Variants in AMPD3 observed in about 807,000 individuals in gnomAD.
AMPD3 encodes the protein AMP deaminase 3.
Under a neutral mutation model 82.3 loss-of-function variants are expected in AMPD3, and 57 were observed. The observed-to-expected ratio is 0.69, with a 90% confidence interval of 0.56 to 0.86. The LOEUF (loss-of-function observed/expected upper bound fraction) is 0.86, where lower values mean the gene tolerates loss of function less well. Among genes scored for constraint, AMPD3 ranks in the 40% least tolerant of loss-of-function variants. AMPD3 has a pLI of 0.00. For missense variants in AMPD3, 870 were observed against 1,003.8 expected, an observed-to-expected ratio of 0.87 and a Z score of 1.80; for synonymous variants, 381 against 394.7, an observed-to-expected ratio of 0.97 and a Z score of 0.41.
At chr11:10,480,388 C>A (rs1419417090) in intron 3 of AMPD3, among the ~76,000 whole-genome samples, 1 of 152,138 alleles carries the variant, frequency 6.6e-6, no homozygotes, top group East Asian at 1.9e-4. Flanking sequence ...GGTGTCTGCT[C>A]ACCTATTCCT....
rs1849238549 is a variant in AMPD3, at chr11:10,491,466, AT to A, written c.940-1880del. On this transcript the variant is annotated intron_variant, in intron 6 of 14. Coordinates refer to ENST00000396553, the MANE Select transcript of AMPD3 (RefSeq NM_001025389.2). ...GGGTTCAGTAACAGAATCAAATTAC[AT>A]TTAAAGAATCCCTTCTAGCTTCTGT... 1.3e-5 allele frequency among the ~76,000 whole-genome samples: 2 copies of A among 152,194 alleles called. 1 individual carries two copies. The highest frequency in any genetic ancestry group is 4.8e-5 in the African/African-American group (2 of 41,438).
chr11:10,478,570 AAATGCCGCCAC>A lies in AMPD3; in HGVS notation c.268_278del (p.Met90AlafsTer36). The stretch of plus-strand genomic sequence containing the variant: ...ATTCGGTCCCAGTCCCTGTCTCTGC[AAATGCCGCCAC>A]AGCAAGATTGGAAGGGCCCCCCGGC... On this transcript the variant is annotated frameshift_variant, in exon 3 of 15. Coordinates refer to ENST00000396553, the MANE Select transcript of AMPD3 (RefSeq NM_001025389.2). LOFTEE classifies it high-confidence loss of function. 1 of 1,614,168 alleles carries A rather than the reference AAATGCCGCCAC, an allele frequency of 6.2e-7. No homozygotes were observed. The highest frequency in any genetic ancestry group is 1.6e-4 in the Middle Eastern group (1 of 6,062).
intron 2 of AMPD3, chr11:10,473,407 A>C (rs1353417726): frequency 8.1e-6 from 8 of 985,162 alleles, no homozygotes; most frequent in Non-Finnish European, 9.6e-6. Flanking sequence ...AGGAAGGGAG[A>C]AGCGAAGGTG....
intron 9 of AMPD3, chr11:10,496,023 T>A: frequency 5.0e-6 from 1 of 198,186 alleles, no homozygotes; most frequent in Non-Finnish European, 9.0e-6. Flanking sequence ...ATTCAAGCAA[T>A]TCTTTGCCTC....
intron 13 of AMPD3, among the ~76,000 whole-genome samples, chr11:10,503,683 T>C (rs1849638764): frequency 6.6e-6 from 1 of 152,242 alleles, no homozygotes; most frequent in Non-Finnish European, 1.5e-5. Flanking sequence ...AATAATGATT[T>C]TTTTTCTGAA....
chr11:10,455,551 G>C, intron 1 of AMPD3, 103 bp downstream of exon 1: 3 of 586,982 alleles, frequency 5.1e-6, no homozygotes, highest in Non-Finnish European at 6.4e-6. Context: ...AGCTTATCAG[G>C]CTTCGCAGTC....
chr11:10,479,941 A>G, intron 3 of AMPD3: 24 of 985,424 alleles, frequency 2.4e-5, no homozygotes, highest in Non-Finnish European at 2.7e-5. Flanking sequence ...CATCCTGACC[A>G]TGAGTCTTTG....
chr11:10,487,874 C>A (rs1044467416), intron 6 of AMPD3, among the ~76,000 whole-genome samples: 3 of 152,110 alleles, frequency 2.0e-5, no homozygotes, highest in African/African-American at 7.2e-5. Context: ...GGCTTAATAC[C>A]TAGGTGACGG....
rs1357534769 is a variant in AMPD3 at position 10,456,274 on chromosome 11, C to T, written c.-6+826C>T. Reference sequence around the variant, plus strand: ...CAAAACAGAGACCTCCTACTCCAGCCGGCAGACAGGACCCAGCCAGCTGCA... The same window carrying T: ...CAAAACAGAGACCTCCTACTCCAGCTGGCAGACAGGACCCAGCCAGCTGCA... On this transcript the variant is annotated intron_variant, in intron 1 of 14. Coordinates refer to ENST00000396553, the MANE Select transcript of AMPD3 (RefSeq NM_001025389.2). The surrounding 1 kb of genome is among the most constrained non-coding windows in gnomAD (Gnocchi z 4.3). 1.7e-5 allele frequency: 27 copies of T among 1,573,828 alleles called. No individual in the cohort carries two copies. Among genetic ancestry groups the T allele is most frequent in the South Asian group, 7.0e-5 (6 of 86,032 alleles).
At chr11:10,459,765 C>G (rs1425466473) in intron 1 of AMPD3, among the ~76,000 whole-genome samples, 1 of 151,886 alleles carries the variant, frequency 6.6e-6, no homozygotes, top group East Asian at 1.9e-4. Flanking sequence ...CATACGTGGA[C>G]AAAGAGAAGC....
chr11:10,495,493 C>A (rs1324939309), intron 8 of AMPD3, 77 bp from the exon 9 acceptor site: 32 of 1,609,188 alleles, frequency 2.0e-5, no homozygotes, highest in Non-Finnish European at 2.6e-5. Context: ...GCAACAGGAC[C>A]CTGCTGGTGA....
chr11:10,458,911 G>C (rs1201674814), intron 1 of AMPD3, among the ~76,000 whole-genome samples: 2 of 152,128 alleles, frequency 1.3e-5, no homozygotes, highest in African/African-American at 4.8e-5. Context: ...TGAGGTTTTG[G>C]GATGGTGCCC....
Position 10,507,301 on chromosome 11 carries a change from G to T in AMPD3, c.*1417G>T, listed in dbSNP as rs1409385013. The stretch of plus-strand genomic sequence containing the variant: ...CTGTGAACTTATTTGACTTTAGATT[G>T]TCTCATCTTGTGACTTTATAATGCC... On this transcript the variant is annotated 3_prime_UTR_variant, in exon 15 of 15. Transcript: ENST00000396553. 2.6e-5 allele frequency: 4 copies of T among 152,070 alleles called. No individual in the cohort carries two copies. Among genetic ancestry groups the T allele is most frequent in the Non-Finnish European group, 5.9e-5 (4 of 68,036 alleles). 9.4% of individuals were successfully genotyped at this position (152,070 alleles called of 1,614,324 possible).
rs1341668831 is a variant in AMPD3, at chr11:10,478,511, G to C, written c.222-15G>C. 6.2e-7 allele frequency: 1 copy of C among 1,613,976 alleles called. No individual in the cohort carries two copies. Among genetic ancestry groups the C allele is most frequent in the Non-Finnish European group, 8.5e-7 (1 of 1,179,940 alleles). On this transcript the variant is annotated splice_polypyrimidine_tract_variant and intron_variant, in intron 2 of 14. Transcript: ENST00000396553. ...CTTCTGATGTCTCCCACTTTTCCTTGTCCTTGGCTCTTAGAAAGAAAAGTT... is the reference window on the plus strand; with the variant it reads ...CTTCTGATGTCTCCCACTTTTCCTTCTCCTTGGCTCTTAGAAAGAAAAGTT...
intron 10 of AMPD3, chr11:10,499,786 G>C (rs1411209103): frequency 1.0e-6 from 1 of 985,306 alleles, no homozygotes; most frequent in Non-Finnish European, 1.2e-6. Flanking sequence ...TGGCTGCTTT[G>C]CCCTTCACCT....
Position 10,502,625 on chromosome 11 carries a change from TC to T in AMPD3, c.1843-94del, listed in dbSNP as rs1321062270. ...GCAGACATGGTTCAGACCCCTGGTT[TC>T]CACTGGTGAATGCTTCTTCCCTTCC... is the stretch of plus-strand genomic sequence containing the variant. On this transcript the variant is annotated intron_variant, in intron 12 of 14. Transcript: ENST00000396553. 4.6e-5 allele frequency: 74 copies of T among 1,592,534 alleles called. No individual in the cohort carries two copies. The East Asian group carries it at 1.2e-3, about 26-fold the overall frequency.
At chr11:10,500,328 T>C in intron 11 of AMPD3, 79 bp downstream of exon 11, 2 of 1,542,536 alleles carry the variant, frequency 1.3e-6, no homozygotes, top group South Asian at 1.1e-5. Context: ...CACACACACA[T>C]GCATGTGATC....
At chr11:10,477,676 C>G (rs1316900340) in intron 2 of AMPD3, among the ~76,000 whole-genome samples, 2 of 152,192 alleles carry the variant, frequency 1.3e-5, no homozygotes, top group African/African-American at 2.4e-5. Flanking sequence ...TCTCCCCAAA[C>G]AGAGGTACAT....
At chr11:10,473,607 T>C in intron 2 of AMPD3, 15 of 985,272 alleles carry the variant, frequency 1.5e-5, no homozygotes, top group Non-Finnish European at 1.7e-5. Flanking sequence ...ATGCTGGTCA[T>C]CTGGCTGCAT....
Sources: gnomAD v4.1 joint callset for allele counts (sites outside exome capture counted in the v4.1 genomes callset) on GRCh38, gnomAD v4.1.1 for gene constraint, Gnocchi (gnomAD v3.1) non-coding constraint, MANE v1.5 for transcripts, NCBI Gene and HGNC (gene_info 2026-07-23, HGNC 2026-07-21) for gene names.